TENM3: variants seen among roughly 807,000 people sequenced by gnomAD.
The protein encoded by TENM3 is teneurin-3.
TENM3 carries 63 observed loss-of-function variants against 255.1 expected under a neutral mutation model. The observed-to-expected ratio is 0.25, with a 90% CI of 0.20 to 0.30. TENM3 has a LOEUF of 0.30. Ranked by LOEUF, TENM3 falls within the 10% of genes least tolerant of loss-of-function variation. The pLI is 1.00. For synonymous variants in TENM3, 1,306 were observed against 1,322.3 expected (o/e 0.99, Z 0.27); for missense variants, 2,929 against 3,461.1 (o/e 0.85, Z 3.86).
chr4:181,636,171 G>T, the TENM3 span, among the ~76,000 whole-genome samples: 1 of 151,854 alleles, frequency 6.6e-6, no homozygotes, highest in African/African-American at 2.4e-5. Flanking sequence ...TCAGCCTCCC[G>T]AGTAGCTGGG....
At chr4:182,583,522 G>C (rs1560959121) in intron 3 of TENM3, among the ~76,000 whole-genome samples, 1 of 152,016 alleles carries the variant, frequency 6.6e-6, no homozygotes, top group East Asian at 1.9e-4. Flanking sequence ...TAGTGATAAA[G>C]CCAGTACCTA....
intron 3 of TENM3, among the ~76,000 whole-genome samples, chr4:182,387,949 AAAAAACCAACAAACG>A (rs1437255493): frequency 6.6e-6 from 1 of 152,088 alleles, no homozygotes; most frequent in African/African-American, 2.4e-5. Flanking sequence ...AAAAAAAAAA[AAAAAACCAACAAACG>A]AAACCAGCCA....
chr4:182,303,898 G>A (rs966013478), intron 1 of TENM3, among the ~76,000 whole-genome samples: 13 of 152,042 alleles, frequency 8.6e-5, no homozygotes, highest in East Asian at 5.8e-4. Flanking sequence ...TTTTTAATTC[G>A]AAGCTTTCCT....
the TENM3 span, among the ~76,000 whole-genome samples, chr4:181,995,299 A>G: frequency 6.6e-6 from 1 of 152,160 alleles, no homozygotes; most frequent in Non-Finnish European, 1.5e-5. Context: ...CAAACAAAAA[A>G]AAAAAGAAAG....
chr4:181,682,576 A>G, the TENM3 span, among the ~76,000 whole-genome samples: 2 of 152,200 alleles, frequency 1.3e-5, no homozygotes, highest in South Asian at 2.1e-4. Context: ...TAACATTGTC[A>G]AGATGGGAAG....
At chr4:181,456,357 G>A in the TENM3 span, among the ~76,000 whole-genome samples, 1 of 151,778 alleles carries the variant, frequency 6.6e-6, no homozygotes, top group Non-Finnish European at 1.5e-5. Context: ...TTCCTTGCAA[G>A]TTCTTAACCG....
chr4:182,339,266 A>G (rs1004264610), intron 2 of TENM3, among the ~76,000 whole-genome samples: 1 of 152,248 alleles, frequency 6.6e-6, no homozygotes, highest in African/African-American at 2.4e-5. Flanking sequence ...AGAGATCAAA[A>G]TGATTAATCC....
At chr4:181,785,173 T>C in the TENM3 span, among the ~76,000 whole-genome samples, 1 of 152,144 alleles carries the variant, frequency 6.6e-6, no homozygotes, top group African/African-American at 2.4e-5. Flanking sequence ...GATGATACTT[T>C]GAATGGTAGG....
At chr4:181,582,813 T>C in the TENM3 span, among the ~76,000 whole-genome samples, 1 of 152,118 alleles carries the variant, frequency 6.6e-6, no homozygotes, top group Admixed American at 6.5e-5. Flanking sequence ...AGGTGCTCCA[T>C]CTGAAAAGGA....
intron 1 of TENM3, among the ~76,000 whole-genome samples, chr4:182,298,869 A>C (rs1375144795): frequency 6.6e-6 from 1 of 150,948 alleles, no homozygotes; most frequent in African/African-American, 2.4e-5. Context: ...GCTACTCGGG[A>C]GGCTGAGGTG....
At chr4:181,539,337 G>C in the TENM3 span, among the ~76,000 whole-genome samples, 1 of 152,062 alleles carries the variant, frequency 6.6e-6, no homozygotes, top group Non-Finnish European at 1.5e-5. Flanking sequence ...TACTTGATAT[G>C]GTTAAAATAT....
At chr4:181,734,146 G>A in the TENM3 span, among the ~76,000 whole-genome samples, 2 of 152,128 alleles carry the variant, frequency 1.3e-5, no homozygotes, top group Non-Finnish European at 2.9e-5. Context: ...TTTTTGGAAA[G>A]TGAACATCAC....
chr4:181,566,884 G>A, the TENM3 span, among the ~76,000 whole-genome samples: 1,307 of 152,296 alleles, frequency 8.6e-3, 13 homozygotes, highest in African/African-American at 0.03. Context: ...GAAGCTCGGC[G>A]AAGCTGCCTA....
At chr4:182,732,349 A>C (rs1034566627) in intron 16 of TENM3, among the ~76,000 whole-genome samples, 1 of 152,224 alleles carries the variant, frequency 6.6e-6, no homozygotes, top group Non-Finnish European at 1.5e-5. Context: ...TATTGTTGTC[A>C]GTAAAAAGTG....
the TENM3 span, among the ~76,000 whole-genome samples, chr4:181,562,217 A>G: frequency 1.3e-5 from 2 of 151,638 alleles, no homozygotes; most frequent in Non-Finnish European, 2.9e-5. Flanking sequence ...AACCTTATCT[A>G]TTACGTTTTT....
the TENM3 span, among the ~76,000 whole-genome samples, chr4:181,871,590 A>G: frequency 4.6e-5 from 7 of 152,186 alleles, no homozygotes; most frequent in Non-Finnish European, 7.4e-5. Flanking sequence ...CTATCCATAC[A>G]ATGTTGAATA....
the TENM3 span, among the ~76,000 whole-genome samples, chr4:181,465,308 A>C: frequency 6.6e-6 from 1 of 151,040 alleles, no homozygotes; most frequent in Admixed American, 6.6e-5. Flanking sequence ...GTAGAAATAC[A>C]TATTTATTTT....
At chr4:182,300,735 G>A (rs1046068370) in intron 1 of TENM3, among the ~76,000 whole-genome samples, 1 of 152,168 alleles carries the variant, frequency 6.6e-6, no homozygotes, top group East Asian at 1.9e-4. Context: ...CTTCCATACT[G>A]CAAGCATGGT....
chr4:182,771,507 G>T (rs1174003575), intron 22 of TENM3, among the ~76,000 whole-genome samples: 1 of 147,684 alleles, frequency 6.8e-6, no homozygotes, highest in Admixed American at 6.9e-5. Flanking sequence ...ATGGGGGGGG[G>T]GGAAATAGTA....
Sources: gnomAD v4.1 joint callset for allele counts (sites outside exome capture counted in the v4.1 genomes callset) on GRCh38, gnomAD v4.1.1 for gene constraint, MANE v1.5 for transcripts, NCBI Gene and HGNC (gene_info 2026-07-23, HGNC 2026-07-21) for gene names.